YAE1: variants seen among roughly 807,000 people sequenced by gnomAD.
YAE1 encodes the protein protein YAE1 homolog.
A neutral mutation model predicts 23.0 loss-of-function variants in YAE1; 22 were observed. The observed-to-expected ratio is 0.96, with a 90% CI of 0.68 to 1.37. The LOEUF (loss-of-function observed/expected upper bound fraction) is 1.37. Ranked by LOEUF, YAE1 falls within the 40% of genes most tolerant of loss-of-function variation. The pLI, the probability that YAE1 is intolerant of heterozygous loss-of-function variation, is 0.00. For missense variants in YAE1, 260 were observed against 262.1 expected, an observed-to-expected ratio of 0.99 and a Z score of 0.06; for synonymous variants, 101 against 97.0, an observed-to-expected ratio of 1.04 and a Z score of -0.24.
chr7:39,608,612 C>T (rs1209192793), intron 2 of YAE1, among the ~76,000 whole-genome samples: 1 of 152,116 alleles, frequency 6.6e-6, no homozygotes, highest in Non-Finnish European at 1.5e-5. Flanking sequence ...TGATTTCTTC[C>T]AAGAGGAAAG....
chr7:39,566,443 T>G lies in YAE1; in HGVS notation c.25T>G (p.Leu9Val), dbSNP rs887302310. MSWVQAAS[L>V]IQGPGDKGDV... ...GATGTCGTGGGTTCAAGCAGCCTCC[T>G]TGATCCAGGGCCCTGGAGACAAAGG... The change falls in exon 1 of 3, where the codon TTG (leucine) becomes GTG (valine). Residue 9 changes from leucine (L) to valine (V), a missense_variant. Transcript: ENST00000223273. 3 of 1,614,050 alleles carry G rather than the reference T, an allele frequency of 1.9e-6. No individual in the cohort carries two copies. The South Asian group carries it at 3.3e-5, about 18-fold the overall frequency.
At chr7:39,599,773 G>C (rs779628019) in intron 2 of YAE1, among the ~76,000 whole-genome samples, 39 of 151,138 alleles carry the variant, frequency 2.6e-4, no homozygotes, top group Non-Finnish European at 5.0e-4. Flanking sequence ...TCCCTCTGTC[G>C]TCCAGGCTGG....
chr7:39,569,854 C>A, intron 1 of YAE1: 1 of 893,208 alleles, frequency 1.1e-6, no homozygotes, highest in Non-Finnish European at 1.9e-6. Flanking sequence ...GTCCTTGGAC[C>A]CTGAGGATGC....
At chr7:39,597,508 T>A (rs1269390056) in intron 2 of YAE1, among the ~76,000 whole-genome samples, 1 of 152,222 alleles carries the variant, frequency 6.6e-6, no homozygotes. Flanking sequence ...AATTCGCTGG[T>A]CTCAGTTATT....
chr7:39,594,618 T>TC (rs1790950220), intron 2 of YAE1, among the ~76,000 whole-genome samples: 2 of 152,078 alleles, frequency 1.3e-5, no homozygotes, highest in Admixed American at 1.3e-4. Context: ...TTTTTTTTTT[T>TC]TGAGACAGTC....
At chr7:39,603,404 C>T (rs1347428650) in intron 2 of YAE1, among the ~76,000 whole-genome samples, 1 of 152,176 alleles carries the variant, frequency 6.6e-6, no homozygotes, top group Admixed American at 6.5e-5. Context: ...TCCCAAAGTT[C>T]TGGGATTACA....
At chr7:39,582,118 G>C (rs1409029521) in intron 2 of YAE1, among the ~76,000 whole-genome samples, 1 of 151,766 alleles carries the variant, frequency 6.6e-6, no homozygotes, top group Non-Finnish European at 1.5e-5. Flanking sequence ...GTTCTGATTA[G>C]TACTTTGGTG....
rs1386461783 is a variant in YAE1, at chr7:39,566,416, G to T, written c.-3G>T. 8.3e-5 allele frequency: 134 copies of T among 1,613,470 alleles called. No homozygotes were observed. Among genetic ancestry groups the T allele is most frequent in the Non-Finnish European group, 1.1e-4 (132 of 1,179,524 alleles). On this transcript the variant is annotated 5_prime_UTR_variant, in exon 1 of 3. Transcript: ENST00000223273. ...GGCCTGCGACCCCGTAATTGCCTCG[G>T]TGATGTCGTGGGTTCAAGCAGCCTC...
At chr7:39,591,471 T>G (rs1171545897) in intron 2 of YAE1, among the ~76,000 whole-genome samples, 1 of 152,226 alleles carries the variant, frequency 6.6e-6, no homozygotes, top group Non-Finnish European at 1.5e-5. Context: ...ATTTCCCTTT[T>G]ATTCTTTTTT....
At chr7:39,582,629 G>A (rs1349504029) in intron 2 of YAE1, among the ~76,000 whole-genome samples, 3 of 152,288 alleles carry the variant, frequency 2.0e-5, no homozygotes, top group South Asian at 2.1e-4. Context: ...CTTAGAGAGC[G>A]TTTTTTATTT....
chr7:39,573,122 GAC>G (rs768580067), downstream of YAE1, among the ~76,000 whole-genome samples: 3 of 152,094 alleles, frequency 2.0e-5, no homozygotes, highest in Admixed American at 6.6e-5. Context: ...CGTAAATATA[GAC>G]ACACAGACAG....
At chr7:39,583,362 C>T (rs1304048911) in intron 2 of YAE1, among the ~76,000 whole-genome samples, 4 of 148,700 alleles carry the variant, frequency 2.7e-5, no homozygotes, top group African/African-American at 7.7e-5. Context: ...AAGAGAAAGA[C>T]CAGTTTACAA....
chr7:39,566,572 G>C, intron 1 of YAE1, 25 bp downstream of exon 1: 1 of 1,612,506 alleles, frequency 6.2e-7, no homozygotes, highest in Non-Finnish European at 8.5e-7. Flanking sequence ...GACGGCGCGG[G>C]GTGCTGGGTT....
At chr7:39,567,137 G>A (rs1184057269) in intron 1 of YAE1, 2 of 152,386 alleles carry the variant, frequency 1.3e-5, no homozygotes, top group African/African-American at 2.4e-5. Context: ...TCTGTGTGCA[G>A]CCTACAGTAT....
At chr7:39,578,133 C>G (rs1790684282) in intron 2 of YAE1, among the ~76,000 whole-genome samples, 1 of 152,044 alleles carries the variant, frequency 6.6e-6, no homozygotes, top group Non-Finnish European at 1.5e-5. Context: ...ACTTCTATGT[C>G]TAGCTGGAGG....
At chr7:39,579,910 G>A (rs1177998282) in intron 2 of YAE1, among the ~76,000 whole-genome samples, 1 of 151,814 alleles carries the variant, frequency 6.6e-6, no homozygotes, top group Non-Finnish European at 1.5e-5. Flanking sequence ...CAGGCATGGT[G>A]GCATGCAACC....
intron 2 of YAE1, among the ~76,000 whole-genome samples, chr7:39,594,880 G>A (rs531117414): frequency 1.4e-4 from 21 of 152,166 alleles, no homozygotes; most frequent in Non-Finnish European, 2.6e-4. Flanking sequence ...ACAGGTGTCA[G>A]CCACCGTGCC....
At chr7:39,576,772 T>TGA, downstream of YAE1, among the ~76,000 whole-genome samples, 1 of 152,066 alleles carries the variant, frequency 6.6e-6, no homozygotes, top group Admixed American at 6.5e-5. Flanking sequence ...TGTACATAGA[T>TGA]GCATAGGTGG....
chr7:39,601,459 G>A (rs936331631), intron 2 of YAE1, among the ~76,000 whole-genome samples: 11 of 152,014 alleles, frequency 7.2e-5, no homozygotes, highest in African/African-American at 2.7e-4. Context: ...GACTATAAAT[G>A]TAACAATAAA....
Sources: gnomAD v4.1 joint callset for allele counts (sites outside exome capture counted in the v4.1 genomes callset) on GRCh38, gnomAD v4.1.1 for gene constraint, MANE v1.5 for transcripts, NCBI Gene and HGNC (gene_info 2026-07-23, HGNC 2026-07-21) for gene names.